RNLS: variants seen among roughly 807,000 people sequenced by gnomAD.
RNLS encodes renalase, FAD dependent amine oxidase.
RNLS carries 39 observed loss-of-function variants against 39.8 expected under a neutral mutation model. The ratio of observed to expected loss-of-function variants is 0.98; its 90% CI spans 0.76 to 1.28. The LOEUF (loss-of-function observed/expected upper bound fraction) is 1.28. Ranked by LOEUF, RNLS falls within the 50% of genes most tolerant of loss-of-function variation. RNLS has a pLI of 0.00. For synonymous variants in RNLS, 147 were observed against 150.7 expected (o/e 0.98, Z 0.18); for missense variants, 410 against 413.3 (o/e 0.99, Z 0.07).
At chr10:88,473,784 A>C (rs944933103) in intron 4 of RNLS, among the ~76,000 whole-genome samples, 7 of 152,184 alleles carry the variant, frequency 4.6e-5, no homozygotes, top group African/African-American at 1.7e-4. Context: ...TGCAATTGAC[A>C]GGTCAGGGCT....
intron 6 of RNLS, among the ~76,000 whole-genome samples, chr10:88,300,931 A>G (rs1337843766): frequency 1.3e-5 from 2 of 152,228 alleles, no homozygotes; most frequent in African/African-American, 4.8e-5. Flanking sequence ...TATTTCTTGC[A>G]GAGCATCTAT....
At chr10:88,186,583 C>T in the RNLS span, among the ~76,000 whole-genome samples, 1 of 152,186 alleles carries the variant, frequency 6.6e-6, no homozygotes, top group Non-Finnish European at 1.5e-5. Context: ...CAGTGCCATA[C>T]ACATGAGTTC....
At chr10:88,255,957 C>T in the RNLS span, among the ~76,000 whole-genome samples, 1 of 152,168 alleles carries the variant, frequency 6.6e-6, no homozygotes, top group Non-Finnish European at 1.5e-5. Context: ...TCAAGAATTA[C>T]GCAGAACTCA....
chr10:88,194,011 A>T, the RNLS span, among the ~76,000 whole-genome samples: 2 of 152,296 alleles, frequency 1.3e-5, no homozygotes, highest in South Asian at 4.1e-4. Flanking sequence ...TTATTTTTCT[A>T]AGCTTACTAA....
chr10:88,444,052 C>T (rs1201887064), intron 4 of RNLS, among the ~76,000 whole-genome samples: 1 of 152,326 alleles, frequency 6.6e-6, no homozygotes, highest in East Asian at 1.9e-4. Context: ...CCCGAGTAGC[C>T]TAACTGGGAG....
At chr10:88,247,884 C>G in the RNLS span, among the ~76,000 whole-genome samples, 88 of 152,256 alleles carry the variant, frequency 5.8e-4, no homozygotes, top group Non-Finnish European at 7.5e-4. Flanking sequence ...TAGCTTTGGA[C>G]ATGAAAAGGG....
intron 4 of RNLS, among the ~76,000 whole-genome samples, chr10:88,527,996 C>T (rs1271355543): frequency 2.0e-5 from 3 of 150,926 alleles, no homozygotes; most frequent in African/African-American, 7.3e-5. Context: ...TGGAAGAAAT[C>T]TAAATGGTAG....
intron 4 of RNLS, among the ~76,000 whole-genome samples, chr10:88,399,038 C>T (rs1564767654): frequency 6.6e-6 from 1 of 151,850 alleles, no homozygotes; most frequent in Non-Finnish European, 1.5e-5. Context: ...TGAAAAGATG[C>T]TTAACATCAT....
In RNLS at chr10:88,581,657, T is replaced by A. The variant is rs79981780; in HGVS notation, c.277A>T (p.Ile93Phe). 2.5e-6 allele frequency: 4 copies of A among 1,603,308 alleles called. No individual in the cohort carries two copies. The highest frequency in any genetic ancestry group is 2.7e-5 in the African/African-American group (2 of 74,452). The change falls in exon 3 of 7, where the codon ATT (isoleucine) becomes TTT (phenylalanine). Residue 93 changes from isoleucine (I) to phenylalanine (F), a missense_variant. Transcript: ENST00000331772. The stretch of plus-strand genomic sequence containing the variant: ...CCTTCTTTCATCACCATTCCTTCAA[T>A]AGGCGAGCTTAGAGGCCTCAAAACG... ...YGVLRPLSSP[I>F]EGMVMKEGDC...
At chr10:88,483,555 T>C (rs1294766232) in intron 4 of RNLS, among the ~76,000 whole-genome samples, 1 of 152,190 alleles carries the variant, frequency 6.6e-6, no homozygotes, top group Non-Finnish European at 1.5e-5. Context: ...TGTCATATGA[T>C]GTATGTCATA....
downstream of RNLS, among the ~76,000 whole-genome samples, chr10:88,280,296 C>T (rs1235214541): frequency 1.3e-5 from 2 of 152,162 alleles, no homozygotes; most frequent in Non-Finnish European, 2.9e-5. Flanking sequence ...ATCAAGGTCA[C>T]ACAATGAGGG....
chr10:88,214,426 T>C, the RNLS span, among the ~76,000 whole-genome samples: 2 of 150,060 alleles, frequency 1.3e-5, no homozygotes, highest in Non-Finnish European at 2.9e-5. Context: ...ACCCTGTAAA[T>C]TCATTTAAAA....
At chr10:88,201,817 G>T in the RNLS span, among the ~76,000 whole-genome samples, 2 of 152,210 alleles carry the variant, frequency 1.3e-5, no homozygotes, top group East Asian at 3.9e-4. Flanking sequence ...ATCCAGAGAT[G>T]TGAAAACACC....
chr10:88,491,087 C>T (rs1025923863), intron 4 of RNLS, among the ~76,000 whole-genome samples: 1 of 152,072 alleles, frequency 6.6e-6, no homozygotes, highest in Non-Finnish European at 1.5e-5. Flanking sequence ...CTGTGGATGA[C>T]AAGTCTCATT....
chr10:88,479,626 C>A (rs1440202105), intron 4 of RNLS, among the ~76,000 whole-genome samples: 2 of 152,018 alleles, frequency 1.3e-5, no homozygotes, highest in Non-Finnish European at 2.9e-5. Flanking sequence ...GAAATAACAG[C>A]TGTTGATTCT....
At chr10:88,224,999 C>G in the RNLS span, among the ~76,000 whole-genome samples, 1 of 152,042 alleles carries the variant, frequency 6.6e-6, no homozygotes, top group African/African-American at 2.4e-5. Context: ...CTGGAAAATC[C>G]AATGATTAAA....
intron 4 of RNLS, among the ~76,000 whole-genome samples, chr10:88,506,580 A>C (rs1845806770): frequency 6.6e-6 from 1 of 151,532 alleles, no homozygotes; most frequent in Non-Finnish European, 1.5e-5. Flanking sequence ...AATAAATAAA[A>C]TTTATACATT....
At chr10:88,556,217 A>G (rs1848866629) in intron 4 of RNLS, among the ~76,000 whole-genome samples, 1 of 152,084 alleles carries the variant, frequency 6.6e-6, no homozygotes, top group African/African-American at 2.4e-5. Flanking sequence ...CACAGTCCAT[A>G]TCTATACATC....
At chr10:88,474,988 G>A (rs2576180) in intron 4 of RNLS, among the ~76,000 whole-genome samples, 2 of 151,798 alleles carry the variant, frequency 1.3e-5, no homozygotes, top group Admixed American at 1.3e-4. Flanking sequence ...AGCTCCCCCC[G>A]GCAACAAGAT....
Sources: allele counts gnomAD v4.1 joint callset (sites outside exome capture counted in the v4.1 genomes callset), GRCh38; gene constraint gnomAD v4.1.1; transcripts MANE v1.5; gene names NCBI Gene and HGNC (gene_info 2026-07-23, HGNC 2026-07-21).